Variants in DLG2 observed in about 807,000 individuals in gnomAD.
The protein encoded by DLG2 is discs large MAGUK scaffold protein 2.
In DLG2, 45 loss-of-function variants were observed where a neutral mutation model predicts 132.5. The ratio of observed to expected loss-of-function variants is 0.34; its 90% CI spans 0.27 to 0.44. The LOEUF is 0.44. Ranked by LOEUF, DLG2 falls within the 20% of genes least tolerant of loss-of-function variation. The pLI is 1.00. For synonymous variants in DLG2, 424 were observed against 419.6 expected (o/e 1.01, Z -0.13); for missense variants, 1,045 against 1,196.9 (o/e 0.87, Z 1.87).
chr11:85,580,045 T>C (rs966251568), intron 3 of DLG2, among the ~76,000 whole-genome samples: 1 of 152,094 alleles, frequency 6.6e-6, no homozygotes, highest in African/African-American at 2.4e-5. Context: ...GTTCTCATGA[T>C]AGTAAATAAG....
intron 8 of DLG2, among the ~76,000 whole-genome samples, chr11:84,195,357 G>T (rs545783893): frequency 1.3e-5 from 2 of 152,226 alleles, no homozygotes; most frequent in South Asian, 4.1e-4. Flanking sequence ...TAGAGACGGG[G>T]TTTCACCCAT....
intron 7 of DLG2, among the ~76,000 whole-genome samples, chr11:84,506,381 T>C (rs1268554954): frequency 6.7e-6 from 1 of 149,832 alleles, no homozygotes; most frequent in Non-Finnish European, 1.5e-5. Flanking sequence ...GGCCCTCAGT[T>C]CTTAAAAGAG....
chr11:85,412,005 CA>C, intron 3 of DLG2, among the ~76,000 whole-genome samples: 1 of 151,778 alleles, frequency 6.6e-6, no homozygotes, highest in East Asian at 1.9e-4. Context: ...GCTGTATCAC[CA>C]ATGTGTTTTT....
chr11:84,291,145 G>A (rs1247298087), intron 7 of DLG2, among the ~76,000 whole-genome samples: 3 of 152,068 alleles, frequency 2.0e-5, no homozygotes, highest in Admixed American at 1.3e-4. Context: ...AATTTACTCT[G>A]TGTATTCTAA....
At chr11:85,401,017 G>C (rs2088033576) in intron 3 of DLG2, among the ~76,000 whole-genome samples, 1 of 150,674 alleles carries the variant, frequency 6.6e-6, no homozygotes, top group African/African-American at 2.4e-5. Context: ...CCAAAGCCTG[G>C]CAGAGACATA....
At chr11:85,156,843 C>G (rs996364186) in intron 4 of DLG2, among the ~76,000 whole-genome samples, 2 of 152,162 alleles carry the variant, frequency 1.3e-5, no homozygotes, top group Non-Finnish European at 2.9e-5. Context: ...AGATCAGAGC[C>G]CTTATTCATT....
chr11:85,340,634 A>G (rs1375991397), intron 3 of DLG2, among the ~76,000 whole-genome samples: 1 of 152,232 alleles, frequency 6.6e-6, no homozygotes, highest in Non-Finnish European at 1.5e-5. Context: ...AACTTAAAGT[A>G]TATAATTTTT....
At chr11:85,271,438 C>T (rs540901965) in intron 4 of DLG2, among the ~76,000 whole-genome samples, 9 of 152,308 alleles carry the variant, frequency 5.9e-5, no homozygotes, top group African/African-American at 2.2e-4. Context: ...CACACAGAGT[C>T]CCCACTGGGG....
chr11:83,705,848 C>A (rs942205816), intron 18 of DLG2, among the ~76,000 whole-genome samples: 5 of 152,162 alleles, frequency 3.3e-5, no homozygotes, highest in African/African-American at 1.2e-4. Context: ...AAAAGTAGAA[C>A]TATGCTTGGA....
intron 5 of DLG2, among the ~76,000 whole-genome samples, chr11:85,154,111 C>T (rs1405876829): frequency 1.4e-5 from 2 of 143,668 alleles, no homozygotes; most frequent in African/African-American, 2.6e-5. Flanking sequence ...TCATGGATGC[C>T]CACCCTCCCT....
intron 18 of DLG2, among the ~76,000 whole-genome samples, chr11:83,774,336 C>T (rs942649165): frequency 5.9e-5 from 9 of 152,254 alleles, no homozygotes; most frequent in South Asian, 2.1e-4. Context: ...ATGATAATAA[C>T]GATAATTATC....
chr11:84,529,430 A>G (rs2099329967), intron 7 of DLG2, among the ~76,000 whole-genome samples: 1 of 152,174 alleles, frequency 6.6e-6, no homozygotes, highest in African/African-American at 2.4e-5. Context: ...TGATCTGATA[A>G]ACAACTTCAG....
chr11:84,237,420 A>T (rs1598115859), intron 8 of DLG2, among the ~76,000 whole-genome samples: 1 of 152,202 alleles, frequency 6.6e-6, no homozygotes, highest in African/African-American at 2.4e-5. Flanking sequence ...TCAGCATGCC[A>T]TTTGACCTAT....
chr11:83,715,398 A>C (rs1396005025), intron 18 of DLG2, among the ~76,000 whole-genome samples: 1 of 152,226 alleles, frequency 6.6e-6, no homozygotes, highest in East Asian at 1.9e-4. Context: ...CAAACAGTTA[A>C]AAAGGGATTC....
chr11:84,550,335 C>G (rs886187029), intron 6 of DLG2, among the ~76,000 whole-genome samples: 2 of 152,112 alleles, frequency 1.3e-5, no homozygotes, highest in Non-Finnish European at 2.9e-5. Context: ...AGTGCCTTTT[C>G]TGTATGTGAG....
At chr11:83,914,967 G>A (rs1276365518) in intron 15 of DLG2, among the ~76,000 whole-genome samples, 2 of 152,018 alleles carry the variant, frequency 1.3e-5, no homozygotes, top group Non-Finnish European at 2.9e-5. Context: ...AGAGAAGGAA[G>A]GAATCACTGG....
intron 19 of DLG2, chr11:83,631,819 CTTTTTCCAATTT>C (rs2063613877): frequency 6.6e-6 from 1 of 152,098 alleles, no homozygotes; most frequent in African/African-American, 2.4e-5. Flanking sequence ...ACCCAGCTGA[CTTTTTCCAATTT>C]GCTACCAGGG....
chr11:85,189,341 A>G (rs2080351154), intron 4 of DLG2, among the ~76,000 whole-genome samples: 1 of 152,348 alleles, frequency 6.6e-6, no homozygotes, highest in Non-Finnish European at 1.5e-5. Context: ...ACTGGAAAGA[A>G]CATTTGTCCA....
At chr11:84,606,021 C>T (rs2099584981) in intron 6 of DLG2, among the ~76,000 whole-genome samples, 1 of 152,064 alleles carries the variant, frequency 6.6e-6, no homozygotes, top group African/African-American at 2.4e-5. Context: ...GCACTGATCA[C>T]ATTCTACTTT....
Sources: gnomAD v4.1 joint callset for allele counts (sites outside exome capture counted in the v4.1 genomes callset) on GRCh38, gnomAD v4.1.1 for gene constraint, MANE v1.5 for transcripts, NCBI Gene and HGNC (gene_info 2026-07-23, HGNC 2026-07-21) for gene names.